ANK2: variants seen among roughly 807,000 people sequenced by gnomAD.
ANK2 encodes the protein ankyrin 2.
A neutral mutation model predicts 360.5 loss-of-function variants in ANK2; 83 were observed. The observed-to-expected ratio is 0.23, with a 90% CI of 0.19 to 0.28. ANK2 has a LOEUF of 0.28. ANK2 is among the 10% of genes least tolerant of loss of function. The pLI is 1.00. For synonymous variants in ANK2, 1,740 were observed against 1,759.5 expected (o/e 0.99, Z 0.28); for missense variants, 4,201 against 4,795.7 (o/e 0.88, Z 3.66).
At chr4:113,033,940 C>G (rs953599406) in intron 2 of ANK2, 3 of 152,018 alleles carry the variant, frequency 2.0e-5, no homozygotes, top group African/African-American at 4.8e-5. Flanking sequence ...GGCTGAGCCT[C>G]CACTGCCATC....
In ANK2 at chr4:113,118,067, A is replaced by C. The variant is rs1453906563; in HGVS notation, c.85-56349A>C. Among the ~76,000 whole-genome samples, 5 of 152,210 alleles carry C rather than the reference A, an allele frequency of 3.3e-5. No individual in the cohort carries two copies. The East Asian group carries it at 7.7e-4, about 23-fold the overall frequency. Reference sequence around the variant, plus strand: ...ATATGGCAATGAAATCAAAACAACCAAGGTTAAACAAGGGATGAAATGTTG... The same window carrying C: ...ATATGGCAATGAAATCAAAACAACCCAGGTTAAACAAGGGATGAAATGTTG... On this transcript the variant is annotated intron_variant, in intron 1 of 45. Transcript: ENST00000357077.
At chr4:113,072,786 A>G (rs1007423136) in intron 1 of ANK2, among the ~76,000 whole-genome samples, 3 of 122,596 alleles carry the variant, frequency 2.4e-5, no homozygotes, top group Non-Finnish European at 5.0e-5. Context: ...CTCTCCAGCA[A>G]GTGTTTAATC....
At chr4:112,969,991 T>TA (rs2038870336) in intron 2 of ANK2, among the ~76,000 whole-genome samples, 1 of 150,208 alleles carries the variant, frequency 6.7e-6, no homozygotes, top group South Asian at 2.1e-4. Flanking sequence ...ATTTTATTAT[T>TA]TTTTTTTTTT....
intron 21 of ANK2, chr4:113,292,850 A>AG (rs1313527664): frequency 2.0e-5 from 8 of 396,990 alleles, no homozygotes; most frequent in South Asian, 1.5e-4. Flanking sequence ...GAGCACAGTA[A>AG]GGGAGCTGCT....
intron 1 of ANK2, among the ~76,000 whole-genome samples, chr4:113,137,450 C>T (rs994808517): frequency 6.6e-6 from 1 of 151,992 alleles, no homozygotes; most frequent in Non-Finnish European, 1.5e-5. Flanking sequence ...GAAGACTGGG[C>T]CAGGAGCAGG....
chr4:112,953,143 G>C (rs1243205096), intron 2 of ANK2, among the ~76,000 whole-genome samples: 4 of 152,148 alleles, frequency 2.6e-5, no homozygotes, highest in Non-Finnish European at 4.4e-5. Context: ...GGGACACTGG[G>C]GTTCAAAGCC....
the ANK2 span, among the ~76,000 whole-genome samples, chr4:112,806,296 T>A: frequency 1.3e-5 from 2 of 152,166 alleles, no homozygotes; most frequent in Admixed American, 1.3e-4. Flanking sequence ...AATGAGAACA[T>A]GTGAAATTTG....
At chr4:112,840,476 G>A (rs1052527950) in intron 1 of ANK2, among the ~76,000 whole-genome samples, 1 of 152,138 alleles carries the variant, frequency 6.6e-6, no homozygotes. Flanking sequence ...ATCAGTTCTG[G>A]ATCAAGGGGC....
chr4:113,303,743 A>C (rs982679902), intron 23 of ANK2, among the ~76,000 whole-genome samples: 6 of 152,236 alleles, frequency 3.9e-5, no homozygotes, highest in African/African-American at 1.4e-4. Flanking sequence ...CACGCAACCA[A>C]GTTTCAATAG....
intron 3 of ANK2, among the ~76,000 whole-genome samples, chr4:113,198,202 C>G (rs1289623678): frequency 2.0e-5 from 3 of 151,816 alleles, no homozygotes; most frequent in South Asian, 2.1e-4. Context: ...GTAGAATTTC[C>G]TGGAAAAGAA....
At chr4:113,280,966 A>G (rs1242620273) in intron 17 of ANK2, among the ~76,000 whole-genome samples, 1 of 152,184 alleles carries the variant, frequency 6.6e-6, no homozygotes, top group African/African-American at 2.4e-5. Context: ...AATAGAGTCT[A>G]TGGACACAAA....
chr4:113,083,694 A>G (rs761309152), intron 1 of ANK2, among the ~76,000 whole-genome samples: 8 of 152,188 alleles, frequency 5.3e-5, no homozygotes, highest in Non-Finnish European at 1.2e-4. Flanking sequence ...AGATGCATTC[A>G]TTTATAGTGA....
In ANK2 at chr4:113,242,438, T is replaced by C. The variant is rs3025740; in HGVS notation, c.891+229T>C. Among the ~76,000 whole-genome samples, 6,893 of 152,274 alleles carry C rather than the reference T, an allele frequency of 0.045. 201 individuals are homozygous for C. The highest frequency in any genetic ancestry group is 0.058 in the African/African-American group (2,412 of 41,558). ...GCAAAATGTTGGTCCCTCAATGAGA[T>C]AGTTTTTCAAGTTTTGGCTTAGTGA... On this transcript the variant is annotated intron_variant, in intron 9 of 45. Coordinates refer to ENST00000357077, the MANE Select transcript of ANK2 (RefSeq NM_001148.6).
chr4:113,250,764 C>T lies in ANK2; in HGVS notation c.990+902C>T, dbSNP rs138018081. Among the ~76,000 whole-genome samples the T allele has an allele frequency of 6.4e-5, 9 of 139,814 alleles. 1 individual carries two copies. Among genetic ancestry groups the T allele is most frequent in the Admixed American group, 1.4e-4 (2 of 13,944 alleles). 91.7% of individuals were successfully genotyped at this position (139,814 alleles called of 152,430 possible). On this transcript the variant is annotated intron_variant, in intron 10 of 45. Transcript: ENST00000357077. ...TCCACCTCATACCACCGCCCCCCCC[C>T]CCGACAGAGTTGGTATCAACTAATG... is the stretch of plus-strand genomic sequence containing the variant.
intron 22 of ANK2, among the ~76,000 whole-genome samples, chr4:113,296,728 A>G (rs924997034): frequency 2.0e-5 from 3 of 152,174 alleles, no homozygotes; most frequent in Non-Finnish European, 2.9e-5. Flanking sequence ...CAATCACTAC[A>G]TGTTTGCCAG....
At chr4:113,307,437 A>C (rs1160876336) in intron 23 of ANK2, among the ~76,000 whole-genome samples, 2 of 90,172 alleles carry the variant, frequency 2.2e-5, no homozygotes, top group Non-Finnish European at 4.1e-5. Context: ...TTTTTTTGTG[A>C]TGGAGTCTCA....
intron 9 of ANK2, among the ~76,000 whole-genome samples, chr4:113,247,838 C>G (rs981949206): frequency 6.6e-6 from 1 of 152,182 alleles, no homozygotes; most frequent in Non-Finnish European, 1.5e-5. Context: ...CTCCACAAAG[C>G]CCTCACCAAG....
At chr4:113,091,365 A>G (rs935237589) in intron 1 of ANK2, among the ~76,000 whole-genome samples, 8 of 152,210 alleles carry the variant, frequency 5.3e-5, no homozygotes, top group African/African-American at 1.7e-4. Context: ...TAAATAGTAG[A>G]CCTTTCTTTT....
chr4:113,180,502 A>C (rs1400972419), intron 2 of ANK2, among the ~76,000 whole-genome samples: 1 of 152,254 alleles, frequency 6.6e-6, no homozygotes, highest in Admixed American at 6.5e-5. Context: ...AGGACAGAAC[A>C]TAAAAGGTAT....
Sources: allele counts gnomAD v4.1 joint callset (sites outside exome capture counted in the v4.1 genomes callset), GRCh38; gene constraint gnomAD v4.1.1; transcripts MANE v1.5; gene names NCBI Gene and HGNC (gene_info 2026-07-23, HGNC 2026-07-21).